DPYD: variants seen among roughly 807,000 people sequenced by gnomAD.
DPYD encodes dihydropyrimidine dehydrogenase [NADP(+)].
A neutral mutation model predicts 116.2 loss-of-function variants in DPYD; 109 were observed. The observed-to-expected ratio is 0.94, with a 90% confidence interval of 0.80 to 1.10. DPYD has a LOEUF of 1.10. Among genes scored for constraint, DPYD ranks in the 50% least tolerant of loss-of-function variants. The pLI, the probability that DPYD is intolerant of heterozygous loss-of-function variation, is 0.00. For synonymous variants in DPYD, 440 were observed against 432.0 expected, an observed-to-expected ratio of 1.02 and a Z score of -0.23; for missense variants, 1,302 against 1,254.5, an observed-to-expected ratio of 1.04 and a Z score of -0.57.
chr1:97,392,375 G>A (rs965872751), intron 14 of DPYD, among the ~76,000 whole-genome samples: 5 of 150,374 alleles, frequency 3.3e-5, no homozygotes, highest in African/African-American at 1.2e-4. Flanking sequence ...TTTTTTTCTA[G>A]ATAGGGTCTT....
chr1:97,464,238 C>CAAAATAAAAT (rs145868186), intron 13 of DPYD, among the ~76,000 whole-genome samples: 8,815 of 138,566 alleles, frequency 0.064, 299 homozygotes, highest in South Asian at 0.078. Context: ...GACTCTGTCT[C>CAAAATAAAAT]AAAATAAAAT....
intron 20 of DPYD, among the ~76,000 whole-genome samples, chr1:97,117,088 C>A (rs6702924): frequency 0.28 from 42,129 of 151,722 alleles, 6,559 homozygotes; most frequent in East Asian, 0.62. Flanking sequence ...CGCTTGAACC[C>A]TGGAGGCAGA....
chr1:97,134,355 T>C (rs1395392401), intron 20 of DPYD, among the ~76,000 whole-genome samples: 1 of 152,130 alleles, frequency 6.6e-6, no homozygotes, highest in African/African-American at 2.4e-5. Flanking sequence ...GAATTTGGTA[T>C]TCTCACATCG....
chr1:97,666,218 G>A (rs1659547925), intron 8 of DPYD, among the ~76,000 whole-genome samples: 1 of 151,876 alleles, frequency 6.6e-6, no homozygotes, highest in Non-Finnish European at 1.5e-5. Flanking sequence ...TGTCACCTAG[G>A]CTGGAGTTCA....
intron 8 of DPYD, among the ~76,000 whole-genome samples, chr1:97,631,894 T>C (rs1357826392): frequency 6.6e-6 from 1 of 152,022 alleles, no homozygotes; most frequent in East Asian, 1.9e-4. Flanking sequence ...GTTATAGTTT[T>C]TAAAAATGAT....
chr1:97,186,090 G>C (rs903001630), intron 20 of DPYD, among the ~76,000 whole-genome samples: 17 of 152,120 alleles, frequency 1.1e-4, no homozygotes, highest in African/African-American at 4.1e-4. Flanking sequence ...TAAGGGTCTT[G>C]CTGTTGACAT....
At chr1:97,500,798 T>C (rs887539907) in intron 13 of DPYD, among the ~76,000 whole-genome samples, 1 of 152,052 alleles carries the variant, frequency 6.6e-6, no homozygotes, top group South Asian at 2.1e-4. Flanking sequence ...AACCCTTTTG[T>C]TTCCACTAAA....
chr1:97,796,485 C>T (rs1441211576), intron 3 of DPYD, among the ~76,000 whole-genome samples: 3 of 152,024 alleles, frequency 2.0e-5, no homozygotes, highest in Non-Finnish European at 4.4e-5. Context: ...AGTGAACATC[C>T]TAATTATGCC....
intron 13 of DPYD, among the ~76,000 whole-genome samples, chr1:97,499,185 T>C (rs569657793): frequency 6.6e-6 from 1 of 151,874 alleles, no homozygotes; most frequent in South Asian, 2.1e-4. Flanking sequence ...AGAATATATC[T>C]TTAAATAAAA....
At chr1:97,667,367 G>C (rs1659622771) in intron 8 of DPYD, among the ~76,000 whole-genome samples, 2 of 151,924 alleles carry the variant, frequency 1.3e-5, no homozygotes, top group African/African-American at 4.8e-5. Context: ...ATTTTTATAG[G>C]AGAGGTTCTT....
In DPYD at chr1:97,624,654, T is replaced by C. The variant is rs141423392; in HGVS notation, c.851-29488A>G. On this transcript the variant is annotated intron_variant, in intron 8 of 22. Transcript: ENST00000370192. Reference sequence around the variant, plus strand: ...ATTTGAAATCAGTTTGTTGAAGACATGTCTGCACCCCCATGTTTATTACAG... The same window carrying C: ...ATTTGAAATCAGTTTGTTGAAGACACGTCTGCACCCCCATGTTTATTACAG... Among the ~76,000 whole-genome samples the C allele has an allele frequency of 8.2e-3, 1,251 of 152,150 alleles. 17 individuals carry two copies. The highest frequency in any genetic ancestry group is 0.028 in the African/African-American group (1,176 of 41,556).
At chr1:97,795,992 C>A (rs1667550336) in intron 3 of DPYD, among the ~76,000 whole-genome samples, 1 of 151,922 alleles carries the variant, frequency 6.6e-6, no homozygotes, top group Non-Finnish European at 1.5e-5. Flanking sequence ...TAAAATATAA[C>A]AATGATGGTA....
intron 3 of DPYD, among the ~76,000 whole-genome samples, chr1:97,814,930 G>GGA (rs368616740): frequency 0.38 from 41,374 of 107,752 alleles, 8,738 homozygotes; most frequent in East Asian, 0.57. Flanking sequence ...AAGAAAGAGA[G>GGA]AGGAAAGAAA....
At chr1:97,448,953 T>C (rs1676242801) in intron 14 of DPYD, among the ~76,000 whole-genome samples, 1 of 152,120 alleles carries the variant, frequency 6.6e-6, no homozygotes, top group Non-Finnish European at 1.5e-5. Flanking sequence ...TCAAGTTCTA[T>C]GTGCATGTAT....
intron 16 of DPYD, among the ~76,000 whole-genome samples, chr1:97,332,677 G>C (rs931310026): frequency 3.9e-5 from 6 of 152,142 alleles, no homozygotes; most frequent in African/African-American, 1.4e-4. Flanking sequence ...AGTATGAATA[G>C]TAATGTAAAT....
intron 5 of DPYD, among the ~76,000 whole-genome samples, chr1:97,710,432 A>G (rs923596901): frequency 6.6e-6 from 1 of 151,868 alleles, no homozygotes; most frequent in African/African-American, 2.4e-5. Context: ...AGTTTTCTTC[A>G]TAACAATTAG....
Position 97,515,900 on chromosome 1 carries a change from G to GGGTA in DPYD, c.1562_1565dup (p.Leu523ThrfsTer8), listed in dbSNP as rs1468744935. 1.2e-6 allele frequency: 2 copies of GGGTA among 1,612,608 alleles called. No homozygotes were observed. On this transcript the variant is annotated frameshift_variant, in exon 13 of 23. Transcript: ENST00000370192. LOFTEE classifies it high-confidence loss of function. ...CCAGATCAATAGGAGTGTAAAAGAG[G>GGGTA]GGTAGTTCAGGCTTGGCAGAAACGG... is the stretch of plus-strand genomic sequence containing the variant.
At chr1:97,116,154 A>G (rs1486419285) in intron 20 of DPYD, among the ~76,000 whole-genome samples, 2 of 152,172 alleles carry the variant, frequency 1.3e-5, no homozygotes, top group African/African-American at 4.8e-5. Context: ...TATATACAAA[A>G]ACACAGATTA....
chr1:97,622,733 T>TA (rs1345453911), intron 8 of DPYD, among the ~76,000 whole-genome samples: 1 of 151,916 alleles, frequency 6.6e-6, no homozygotes, highest in Non-Finnish European at 1.5e-5. Context: ...TGTTCTAAAA[T>TA]AAAAAAGTTT....
Sources: allele counts gnomAD v4.1 joint callset (sites outside exome capture counted in the v4.1 genomes callset), GRCh38; gene constraint gnomAD v4.1.1; transcripts MANE v1.5; gene names NCBI Gene and HGNC (gene_info 2026-07-23, HGNC 2026-07-21).